The following IQCJ variants were observed in gnomAD, a reference collection of about 807,000 sequenced individuals.
IQCJ encodes the protein IQ domain-containing protein J.
A neutral mutation model predicts 11.0 loss-of-function variants in IQCJ; 9 were observed. The ratio of observed to expected loss-of-function variants is 0.82; its 90% confidence interval spans 0.49 to 1.43. IQCJ has a LOEUF of 1.43. Among genes scored for constraint, IQCJ ranks in the 40% most tolerant of loss-of-function variants. IQCJ has a pLI of 0.00. For missense variants in IQCJ, 146 were observed against 133.2 expected, an observed-to-expected ratio of 1.10 and a Z score of -0.47; for synonymous variants, 55 against 51.3, an observed-to-expected ratio of 1.07 and a Z score of -0.31.
intron 1 of IQCJ, among the ~76,000 whole-genome samples, chr3:159,111,286 A>T (rs1718613615): frequency 1.3e-5 from 2 of 152,248 alleles, no homozygotes; most frequent in Admixed American, 1.3e-4. Flanking sequence ...TTGAAGTGAT[A>T]CAAAACTATC....
At chr3:159,258,685 A>G (rs1728037033) in intron 3 of IQCJ, among the ~76,000 whole-genome samples, 2 of 152,164 alleles carry the variant, frequency 1.3e-5, no homozygotes, top group African/African-American at 4.8e-5. Context: ...ATGTATTTTG[A>G]ATTTTTTATA....
At chr3:159,200,729 G>A (rs765170451) in intron 1 of IQCJ, among the ~76,000 whole-genome samples, 3 of 152,140 alleles carry the variant, frequency 2.0e-5, no homozygotes, top group African/African-American at 7.2e-5. Context: ...GGCTGTACTC[G>A]GACAGAGAGG....
At chr3:159,259,978 A>G (rs564436321) in intron 3 of IQCJ, among the ~76,000 whole-genome samples, 52 of 152,394 alleles carry the variant, frequency 3.4e-4, no homozygotes, top group African/African-American at 1.2e-3. Flanking sequence ...CAGCTCCTGT[A>G]TTAAGAAAGT....
At chr3:159,084,139 T>C (rs1001767246) in intron 1 of IQCJ, among the ~76,000 whole-genome samples, 1 of 152,056 alleles carries the variant, frequency 6.6e-6, no homozygotes, top group Non-Finnish European at 1.5e-5. Context: ...TTATACTATA[T>C]TTATGTAAGA....
chr3:159,132,623 C>A (rs1476128536), intron 1 of IQCJ, among the ~76,000 whole-genome samples: 1 of 152,210 alleles, frequency 6.6e-6, no homozygotes, highest in East Asian at 1.9e-4. Context: ...ATGGAAAGAG[C>A]CTTACTGATC....
At chr3:159,159,918 C>T (rs1721742861) in intron 1 of IQCJ, among the ~76,000 whole-genome samples, 1 of 152,098 alleles carries the variant, frequency 6.6e-6, no homozygotes, top group African/African-American at 2.4e-5. Context: ...TTCCTGAGGC[C>T]CTCACTAGAA....
At chr3:159,129,040 A>G (rs1719840224) in intron 1 of IQCJ, among the ~76,000 whole-genome samples, 1 of 151,202 alleles carries the variant, frequency 6.6e-6, no homozygotes, top group African/African-American at 2.5e-5. Flanking sequence ...TCACACGTTC[A>G]ACAACAACAA....
intron 1 of IQCJ, among the ~76,000 whole-genome samples, chr3:159,233,559 C>T (rs555213271): frequency 1.9e-4 from 29 of 152,276 alleles, no homozygotes; most frequent in Admixed American, 6.5e-4. Context: ...CTAATGTCAT[C>T]GAGCACCTGC....
In IQCJ at chr3:159,235,920, A is replaced by C. The variant is rs61795162; in HGVS notation, c.10-9923A>C. On this transcript the variant is annotated intron_variant, in intron 1 of 3. Transcript: ENST00000397832. ...AATGTAGAAGGCAGCTAATGTTAAT[A>C]ATAAGTCCACTGTCGACAAGTGTAG... Among the ~76,000 whole-genome samples the C allele has an allele frequency of 9.6e-3, 1,457 of 152,308 alleles. 13 individuals are homozygous for C. The highest frequency in any genetic ancestry group is 0.014 in the African/African-American group (564 of 41,562).
chr3:159,193,513 C>A (rs1723807484), intron 1 of IQCJ, among the ~76,000 whole-genome samples: 1 of 152,264 alleles, frequency 6.6e-6, no homozygotes, highest in Non-Finnish European at 1.5e-5. Flanking sequence ...TACCTCTTCC[C>A]AACTCTGCTT....
Position 159,069,348 on chromosome 3 carries a change from AT to A in IQCJ, c.-83del. On this transcript the variant is annotated 5_prime_UTR_variant, in exon 1 of 4. In the 5' UTR this introduces an upstream ATG that the reference lacks. Coordinates refer to ENST00000397832, the MANE Select transcript of IQCJ (RefSeq NM_001042706.3). ...TCGCCTCACATTCCCCCACAGTCAC[AT>A]TGCGCTCTGTGATTCTGAGGAATAC... 1 of 1,541,754 alleles carries A rather than the reference AT, an allele frequency of 6.5e-7. No homozygotes were observed. The highest frequency in any genetic ancestry group is 8.7e-7 in the Non-Finnish European group (1 of 1,144,172).
chr3:159,242,352 G>A (rs74569970), intron 1 of IQCJ, among the ~76,000 whole-genome samples: 3,358 of 152,270 alleles, frequency 0.022, 115 homozygotes, highest in African/African-American at 0.077. Flanking sequence ...GATCTTGCAT[G>A]ACAAGCATGT....
At chr3:159,137,620 TTATTTTTGATC>T (rs1720372029) in intron 1 of IQCJ, among the ~76,000 whole-genome samples, 1 of 152,226 alleles carries the variant, frequency 6.6e-6, no homozygotes, top group Non-Finnish European at 1.5e-5. Context: ...ACTTTATTCT[TTATTTTTGATC>T]TATTGACTTT....
chr3:159,255,815 C>A (rs1294779745), intron 3 of IQCJ, among the ~76,000 whole-genome samples: 1 of 152,202 alleles, frequency 6.6e-6, no homozygotes, highest in Non-Finnish European at 1.5e-5. Flanking sequence ...AAGGCAAGTT[C>A]TCTGAAGATT....
At chr3:159,205,072 G>A (rs1000897733) in intron 1 of IQCJ, among the ~76,000 whole-genome samples, 1 of 152,186 alleles carries the variant, frequency 6.6e-6, no homozygotes, top group Non-Finnish European at 1.5e-5. Context: ...AAGTCTCTCT[G>A]CAAGGAGTTT....
At chr3:159,144,166 G>GTA (rs1376467278) in intron 1 of IQCJ, among the ~76,000 whole-genome samples, 1 of 152,154 alleles carries the variant, frequency 6.6e-6, no homozygotes, top group African/African-American at 2.4e-5. Context: ...CCACAGCAAA[G>GTA]TATACTAGAA....
At chr3:159,070,328 T>C (rs1410842087) in intron 1 of IQCJ, among the ~76,000 whole-genome samples, 1 of 152,154 alleles carries the variant, frequency 6.6e-6, no homozygotes, top group Non-Finnish European at 1.5e-5. Context: ...TCAGCATCCC[T>C]TGTCTCATTG....
At chr3:159,109,115 A>T (rs1284784607) in intron 1 of IQCJ, among the ~76,000 whole-genome samples, 2 of 152,236 alleles carry the variant, frequency 1.3e-5, no homozygotes, top group African/African-American at 2.4e-5. Context: ...GGCTTATGGC[A>T]GCTTGAGCTG....
chr3:159,112,200 G>A (rs1718674972), intron 1 of IQCJ, among the ~76,000 whole-genome samples: 1 of 152,104 alleles, frequency 6.6e-6, no homozygotes, highest in South Asian at 2.1e-4. Flanking sequence ...CCAAGTAAGT[G>A]CTTGGATTTA....
Sources: allele counts gnomAD v4.1 joint callset (sites outside exome capture counted in the v4.1 genomes callset), GRCh38; gene constraint gnomAD v4.1.1; transcripts MANE v1.5; gene names NCBI Gene and HGNC (gene_info 2026-07-23, HGNC 2026-07-21).